The following ADGB variants were observed in gnomAD, a reference collection of about 807,000 sequenced individuals.
The protein encoded by ADGB is calpain-7-like protein.
ADGB carries 172 observed loss-of-function variants against 210.5 expected under a neutral mutation model. The ratio of observed to expected loss-of-function variants is 0.82; its 90% CI spans 0.72 to 0.93. The LOEUF (loss-of-function observed/expected upper bound fraction) is 0.93. ADGB is among the 40% of genes least tolerant of loss of function. ADGB has a pLI of 0.00. For synonymous variants in ADGB, 658 were observed against 662.7 expected (o/e 0.99, Z 0.11); for missense variants, 2,025 against 1,964.8 (o/e 1.03, Z -0.58).
intron 35 of ADGB, among the ~76,000 whole-genome samples, chr6:146,814,042 T>C (rs1378719317): frequency 6.6e-6 from 1 of 152,220 alleles, no homozygotes; most frequent in Non-Finnish European, 1.5e-5. Flanking sequence ...GCTCTCTTTC[T>C]AATATGTCAC....
chr6:146,690,943 G>A (rs958824280), intron 10 of ADGB, among the ~76,000 whole-genome samples, 173 bp from the exon 11 acceptor site: 1 of 152,030 alleles, frequency 6.6e-6, no homozygotes, highest in Non-Finnish European at 1.5e-5. Flanking sequence ...AAATTTAAAA[G>A]ATGGAAAGAA....
chr6:146,620,840 T>C (rs1780879597), intron 1 of ADGB, among the ~76,000 whole-genome samples: 1 of 152,176 alleles, frequency 6.6e-6, no homozygotes. Context: ...CTTTTGGTGA[T>C]GTCATATTTC....
At chr6:146,812,172 A>G (rs1377345612) in intron 35 of ADGB, among the ~76,000 whole-genome samples, 2 of 152,182 alleles carry the variant, frequency 1.3e-5, no homozygotes, top group African/African-American at 2.4e-5. Flanking sequence ...ATTATCTTTA[A>G]TAACAGATTT....
Position 146,788,570 on chromosome 6 carries a change from G to A in ADGB, c.4497G>A (p.Gly1499=), listed in dbSNP as rs1195199975. 7.1e-6 allele frequency: 11 copies of A among 1,551,752 alleles called. No individual in the cohort carries two copies. Among genetic ancestry groups the A allele is most frequent in the Middle Eastern group, 1.7e-4 (1 of 5,988 alleles). The change falls in exon 33 of 36, where the codon GGG becomes GGA. Residue 1499 remains glycine (G), a synonymous_variant. Coordinates refer to ENST00000397944, the MANE Select transcript of ADGB (RefSeq NM_024694.4). ...AAAGTGGAGGAGTGTCTTCACCAGGGAAAGAAGAGCGCGAGCAGAGCACAC... is the reference window on the plus strand; with the variant it reads ...AAAGTGGAGGAGTGTCTTCACCAGGAAAAGAAGAGCGCGAGCAGAGCACAC... ...SSESGGVSSP[G]KEEREQSTRK... is the part of the protein sequence containing the mutation.
rs932569838 is a variant in ADGB at position 146,741,072 on chromosome 6, T to C, written c.3024-46T>C. The stretch of plus-strand genomic sequence containing the variant: ...GCATTAATGCAAATTTCAAACTTCC[T>C]TTAAGAATTCACATCAAGGGAAAGT... On this transcript the variant is annotated intron_variant, in intron 24 of 35. Transcript: ENST00000397944. 7 of 1,414,326 alleles carry C rather than the reference T, an allele frequency of 4.9e-6. No individual in the cohort carries two copies. The African/African-American group carries it at 8.9e-5, about 18-fold the overall frequency. 87.6% of individuals were successfully genotyped at this position (1,414,326 alleles called of 1,614,324 possible). A position where few individuals can be genotyped will look rare whatever the true frequency, so the allele number is the denominator to read the frequency against.
chr6:146,740,174 C>T (rs1311217338), intron 23 of ADGB, among the ~76,000 whole-genome samples: 1 of 152,040 alleles, frequency 6.6e-6, no homozygotes, highest in Non-Finnish European at 1.5e-5. Context: ...TCTGGTTTTC[C>T]CCCTGTAAAC....
chr6:146,803,754 C>G, intron 35 of ADGB: 1 of 721,802 alleles, frequency 1.4e-6, no homozygotes, highest in Non-Finnish European at 2.3e-6. Context: ...GCGCCTCAGC[C>G]CAGCCTCCGC....
chr6:146,739,384 A>C (rs1342893629), intron 23 of ADGB, among the ~76,000 whole-genome samples: 2 of 152,180 alleles, frequency 1.3e-5, no homozygotes, highest in Non-Finnish European at 2.9e-5. Flanking sequence ...AATAATTAGG[A>C]CTGTAATAAA....
At chr6:146,637,759 G>C (rs1775445919) in intron 2 of ADGB, among the ~76,000 whole-genome samples, 1 of 151,936 alleles carries the variant, frequency 6.6e-6, no homozygotes, top group Admixed American at 6.6e-5. Flanking sequence ...TTTATACTCA[G>C]TGTATATCAT....
intron 22 of ADGB, among the ~76,000 whole-genome samples, chr6:146,734,513 A>G (rs1278061248): frequency 6.6e-6 from 1 of 152,270 alleles, no homozygotes; most frequent in African/African-American, 2.4e-5. Flanking sequence ...ATAGTGACAC[A>G]CATCTAGAAG....
intron 13 of ADGB, among the ~76,000 whole-genome samples, chr6:146,709,699 G>A (rs927645226): frequency 2.6e-5 from 4 of 152,166 alleles, no homozygotes; most frequent in African/African-American, 9.7e-5. Context: ...CTACTTTACT[G>A]CTTTACTGGT....
intron 30 of ADGB, among the ~76,000 whole-genome samples, chr6:146,783,509 A>G (rs993627137): frequency 2.6e-5 from 4 of 152,278 alleles, no homozygotes; most frequent in African/African-American, 9.6e-5. Context: ...TGATAAATTC[A>G]TGTATTAAGC....
intron 10 of ADGB, among the ~76,000 whole-genome samples, chr6:146,689,983 A>T (rs1314911084): frequency 6.6e-6 from 1 of 152,168 alleles, no homozygotes; most frequent in African/African-American, 2.4e-5. Context: ...CCATTTCTTA[A>T]TTCGGTGACT....
intron 25 of ADGB, among the ~76,000 whole-genome samples, chr6:146,744,713 G>A (rs1476213656): frequency 5.9e-5 from 9 of 151,858 alleles, no homozygotes; most frequent in African/African-American, 7.3e-5. Flanking sequence ...GGGATTCCTC[G>A]ATACTCAGTA....
Position 146,815,090 on chromosome 6 carries a change from A to T in ADGB, c.4877A>T (p.Lys1626Ile). 6.5e-7 allele frequency: 1 copy of T among 1,549,016 alleles called. No homozygotes were observed. The highest frequency in any genetic ancestry group is 8.7e-7 in the Non-Finnish European group (1 of 1,146,346). ...GACATCCGGGAAGAGTACAGAAACA[A>T]ATTGCTGGAAGCTGAGCACCTAAAG... ...IFDIREEYRNKLLEAEHLKLE... is the reference protein window; with the variant it reads ...IFDIREEYRNILLEAEHLKLE... The change falls in exon 36 of 36, where the codon AAA (lysine) becomes ATA (isoleucine). Residue 1626 changes from lysine to isoleucine, a missense_variant. Coordinates refer to ENST00000397944, the MANE Select transcript of ADGB (RefSeq NM_024694.4).
intron 28 of ADGB, among the ~76,000 whole-genome samples, chr6:146,764,458 A>G (rs1360881806): frequency 6.6e-6 from 1 of 152,172 alleles, no homozygotes; most frequent in East Asian, 1.9e-4. Flanking sequence ...ATAAAACTTA[A>G]TTTGTATGTG....
intron 35 of ADGB, among the ~76,000 whole-genome samples, chr6:146,808,990 CTA>C (rs1343891348): frequency 6.6e-6 from 1 of 151,524 alleles, no homozygotes; most frequent in Non-Finnish European, 1.5e-5. Flanking sequence ...GGAGCCCACG[CTA>C]TTTATTGGTA....
rs74874828 is a variant in ADGB at position 146,615,279 on chromosome 6, C to T, written c.74+16165C>T. On this transcript the variant is annotated intron_variant, in intron 1 of 35. Coordinates refer to ENST00000397944, the MANE Select transcript of ADGB (RefSeq NM_024694.4). The stretch of plus-strand genomic sequence containing the variant: ...TTCACTCATCACCAAGAGGATTGTG[C>T]TAAGCCATTCATGAGGGATCCACCC... Among the ~76,000 whole-genome samples, 111 of 149,900 alleles carry T rather than the reference C, an allele frequency of 7.4e-4. 1 individual carries two copies. The East Asian group carries it at 0.018, about 24-fold the overall frequency.
Position 146,654,063 on chromosome 6 carries a change from A to G in ADGB, c.331-72A>G. The G allele has an allele frequency of 2.7e-6, 3 of 1,091,096 alleles. No homozygotes were observed. In the South Asian group the frequency reaches 5.1e-5, roughly 18 times the overall value. The allele number at this position is 1,091,096 out of a possible 1,614,324, so 67.6% of individuals were successfully genotyped here. A position where few individuals can be genotyped will look rare whatever the true frequency, so the allele number is the denominator to read the frequency against. On this transcript the variant is annotated intron_variant, in intron 3 of 35. Coordinates refer to ENST00000397944, the MANE Select transcript of ADGB (RefSeq NM_024694.4). ...TTGCAACTTCAGGCATAAATGGATT[A>G]AAACTATTTCATTAAATTACTTTTT... is the stretch of plus-strand genomic sequence containing the variant.
Sources: allele counts gnomAD v4.1 joint callset (sites outside exome capture counted in the v4.1 genomes callset), GRCh38; gene constraint gnomAD v4.1.1; transcripts MANE v1.5; gene names NCBI Gene and HGNC (gene_info 2026-07-23, HGNC 2026-07-21).